RUNX1: variants seen among roughly 807,000 people sequenced by gnomAD.
RUNX1 encodes RUNX family transcription factor 1, also known as runt-related transcription factor 1.
In RUNX1, 19 loss-of-function variants were observed where a neutral mutation model predicts 42.8. The ratio of observed to expected loss-of-function variants is 0.44; its 90% CI spans 0.31 to 0.65. RUNX1 has a LOEUF of 0.65. RUNX1 is among the 30% of genes least tolerant of loss of function. The pLI is 0.07. For missense variants in RUNX1, 528 were observed against 672.0 expected (o/e 0.79, Z 2.37); for synonymous variants, 271 against 289.4 (o/e 0.94, Z 0.64).
At chr21:34,848,486 G>A (rs566846533) in intron 6 of RUNX1, among the ~76,000 whole-genome samples, 51 of 152,322 alleles carry the variant, frequency 3.3e-4, no homozygotes, top group Admixed American at 7.2e-4. Context: ...CCAGGCTGGA[G>A]TGCAGTGGAG....
At chr21:35,009,142 A>G (rs2059106841) in intron 2 of RUNX1, among the ~76,000 whole-genome samples, 1 of 152,196 alleles carries the variant, frequency 6.6e-6, no homozygotes, top group Non-Finnish European at 1.5e-5. Flanking sequence ...TGCCAACTCC[A>G]CTGCACTTGA....
At chr21:34,970,810 A>T (rs575099079) in intron 2 of RUNX1, among the ~76,000 whole-genome samples, 1 of 152,188 alleles carries the variant, frequency 6.6e-6, no homozygotes, top group African/African-American at 2.4e-5. Context: ...CAGTTGGTCA[A>T]TCTGGGTGAA....
chr21:35,032,586 G>A (rs150272210), intron 2 of RUNX1, among the ~76,000 whole-genome samples: 1 of 152,300 alleles, frequency 6.6e-6, no homozygotes, highest in East Asian at 1.9e-4. Context: ...TTTAAAGCCT[G>A]AGCCAATCAG....
At chr21:35,014,005 C>T (rs1331417123) in intron 2 of RUNX1, among the ~76,000 whole-genome samples, 2 of 152,068 alleles carry the variant, frequency 1.3e-5, no homozygotes, top group Non-Finnish European at 2.9e-5. Flanking sequence ...AATAAAAATA[C>T]ATTTTAACAT....
chr21:35,048,120 C>T (rs1240525660), intron 2 of RUNX1, among the ~76,000 whole-genome samples: 4 of 152,204 alleles, frequency 2.6e-5, no homozygotes, highest in African/African-American at 4.8e-5. Context: ...CGGGAAACTT[C>T]TCTATTGCCC....
intron 2 of RUNX1, among the ~76,000 whole-genome samples, chr21:35,005,300 T>C: frequency 6.6e-6 from 1 of 152,104 alleles, no homozygotes; most frequent in Non-Finnish European, 1.5e-5. Context: ...TACAGTCCTA[T>C]AAACACCATT....
intron 2 of RUNX1, among the ~76,000 whole-genome samples, chr21:34,918,425 C>T (rs935008982): frequency 2.0e-5 from 3 of 152,094 alleles, no homozygotes; most frequent in African/African-American, 7.2e-5. Context: ...AGTCATCCCC[C>T]CTTGCAAGGG....
intron 2 of RUNX1, among the ~76,000 whole-genome samples, chr21:34,991,038 G>A (rs1042303504): frequency 5.9e-5 from 9 of 152,202 alleles, no homozygotes; most frequent in African/African-American, 1.9e-4. Flanking sequence ...TCAAGGGAAC[G>A]CTGTGTCATT....
chr21:34,967,121 C>T (rs1447642363), intron 2 of RUNX1, among the ~76,000 whole-genome samples: 1 of 151,352 alleles, frequency 6.6e-6, no homozygotes, highest in African/African-American at 2.4e-5. Context: ...GAGATCGAGA[C>T]CAGCCTGGCC....
intron 2 of RUNX1, among the ~76,000 whole-genome samples, chr21:34,930,042 C>T (rs1270921252): frequency 6.6e-6 from 1 of 150,788 alleles, no homozygotes; most frequent in Non-Finnish European, 1.5e-5. Flanking sequence ...TTCTTTCTCT[C>T]TCTCCATATA....
At position 34,843,523 on chromosome 21, in the gene RUNX1, C is replaced by A. The variant is rs1041967038; in HGVS notation, c.614-8922G>T. 1.3e-5 allele frequency among the ~76,000 whole-genome samples: 2 copies of A among 152,108 alleles called. No homozygotes were observed. The highest frequency in any genetic ancestry group is 3.8e-4 in the East Asian group (2 of 5,198). On this transcript the variant is annotated intron_variant, in intron 6 of 8. Coordinates refer to ENST00000675419, the MANE Select transcript of RUNX1 (RefSeq NM_001754.5). This position sits in a 1 kb window ranked among gnomAD's most constrained non-coding sequence, Gnocchi z 4.8. ...CATCACACATCCATACATCCACTCA[C>A]ACACACACACCGTTCTGTGATCGCC... is the stretch of plus-strand genomic sequence containing the variant.
chr21:34,857,393 C>T (rs2057510059), intron 6 of RUNX1, among the ~76,000 whole-genome samples: 1 of 152,178 alleles, frequency 6.6e-6, no homozygotes, highest in Non-Finnish European at 1.5e-5. Context: ...TCAGAGTCGC[C>T]ACCATTTGTT....
intron 2 of RUNX1, among the ~76,000 whole-genome samples, chr21:34,981,447 A>T (rs1347220630): frequency 2.6e-5 from 4 of 152,204 alleles, no homozygotes; most frequent in African/African-American, 9.6e-5. Context: ...AAAAATATGG[A>T]GTCCCTGGAC....
chr21:34,843,761 C>T lies in RUNX1; in HGVS notation c.614-9160G>A, dbSNP rs1041545263. Among the ~76,000 whole-genome samples, 1 of 152,124 alleles carries T rather than the reference C, an allele frequency of 6.6e-6. No homozygotes were observed. The highest frequency in any genetic ancestry group is 2.4e-5 in the African/African-American group (1 of 41,430). ...TCCCTGAGTCCAGGGCTCATTGCCA[C>T]GAGCAGTGGAGTTTTTCGCCCACTC... On this transcript the variant is annotated intron_variant, in intron 6 of 8. Transcript: ENST00000675419. The surrounding 1 kb of genome is among the most constrained non-coding windows in gnomAD (Gnocchi z 4.8).
chr21:34,989,313 A>G (rs2058918272), intron 2 of RUNX1, among the ~76,000 whole-genome samples: 1 of 151,774 alleles, frequency 6.6e-6, no homozygotes, highest in East Asian at 1.9e-4. Flanking sequence ...CCGGCCCCAG[A>G]TCTCTTTATA....
rs1378916032 is a variant in RUNX1, at chr21:34,791,774, C to T, written c.*361G>A. ...GTTAAGTCAAGGGTATAAAATCTTTCTTTTTATTCACAGCATTGCTAAATC... is the reference window on the plus strand; with the variant it reads ...GTTAAGTCAAGGGTATAAAATCTTTTTTTTTATTCACAGCATTGCTAAATC... On this transcript the variant is annotated 3_prime_UTR_variant, in exon 9 of 9. Transcript: ENST00000675419. 1 of 226,114 alleles carries T rather than the reference C, an allele frequency of 4.4e-6. No individual in the cohort carries two copies. Among genetic ancestry groups the T allele is most frequent in the East Asian group, 6.3e-5 (1 of 15,852 alleles). The allele number at this position is 226,114 out of a possible 1,614,324, so 14.0% of individuals were successfully genotyped here.
At chr21:34,874,048 T>C (rs1250967766) in intron 5 of RUNX1, among the ~76,000 whole-genome samples, 1 of 152,170 alleles carries the variant, frequency 6.6e-6, no homozygotes, top group Non-Finnish European at 1.5e-5. Context: ...GATGAGAAGA[T>C]GTTATTAGCA....
Position 34,814,054 on chromosome 21 carries a change from A to G in RUNX1, c.806-14592T>C, listed in dbSNP as rs572901981. Among the ~76,000 whole-genome samples the G allele has an allele frequency of 3.2e-4, 49 of 152,300 alleles. 1 individual carries two copies. Among genetic ancestry groups the G allele is most frequent in the Admixed American group, 1.9e-3 (29 of 15,304 alleles). ...AAGACCTAGCTAAACCTCAAAAAAA[A>G]AGAAGTCACTGGAAAGCACATTGTC... is the stretch of plus-strand genomic sequence containing the variant. On this transcript the variant is annotated intron_variant, in intron 7 of 8. Coordinates refer to ENST00000675419, the MANE Select transcript of RUNX1 (RefSeq NM_001754.5).
chr21:35,024,176 T>G (rs965662524), intron 2 of RUNX1, among the ~76,000 whole-genome samples: 8 of 152,198 alleles, frequency 5.3e-5, no homozygotes, highest in Non-Finnish European at 7.3e-5. Flanking sequence ...GATCCTGCTC[T>G]TCAAGGGAAA....
Sources: gnomAD v4.1 joint callset for allele counts (sites outside exome capture counted in the v4.1 genomes callset) on GRCh38, gnomAD v4.1.1 for gene constraint, Gnocchi (gnomAD v3.1) non-coding constraint, MANE v1.5 for transcripts, NCBI Gene and HGNC (gene_info 2026-07-23, HGNC 2026-07-21) for gene names.